The following SYDE2 variants were observed in gnomAD, a reference collection of about 807,000 sequenced individuals.
SYDE2 encodes the protein rho GTPase-activating protein SYDE2.
A neutral mutation model predicts 91.5 loss-of-function variants in SYDE2; 76 were observed. The observed-to-expected ratio is 0.83, with a 90% confidence interval of 0.69 to 1.01. The LOEUF is 1.01. SYDE2 is among the 50% of genes least tolerant of loss of function. The pLI is 0.00. For synonymous variants in SYDE2, 513 were observed against 506.4 expected, an observed-to-expected ratio of 1.01 and a Z score of -0.18; for missense variants, 1,364 against 1,367.7, an observed-to-expected ratio of 1.00 and a Z score of 0.04.
rs376218188 is a variant in SYDE2 at position 85,161,524 on chromosome 1, G to A, written c.3086-2275C>T. Among the ~76,000 whole-genome samples the A allele has an allele frequency of 6.6e-5, 10 of 152,106 alleles. No individual in the cohort carries two copies. The East Asian group carries it at 1.4e-3, about 21-fold the overall frequency. On this transcript the variant is annotated intron_variant, in intron 6 of 6. Coordinates refer to ENST00000341460, the MANE Select transcript of SYDE2 (RefSeq NM_032184.2). ...GCAGATCACTTGAAGTCAGGAGTTCGAGATTGGCCTGGCCAATATGGTGAA... is the reference window on the plus strand; with the variant it reads ...GCAGATCACTTGAAGTCAGGAGTTCAAGATTGGCCTGGCCAATATGGTGAA...
downstream of SYDE2, chr1:85,154,185 C>T (rs1424878703): frequency 6.6e-6 from 1 of 151,384 alleles, no homozygotes; most frequent in African/African-American, 2.4e-5. Flanking sequence ...CTTTATCATA[C>T]CAAAGTACCT....
At chr1:85,174,916 A>T (rs72952634) in intron 4 of SYDE2, among the ~76,000 whole-genome samples, 5,280 of 152,296 alleles carry the variant, frequency 0.035, 325 homozygotes, top group African/African-American at 0.12. Context: ...GTATGTACAA[A>T]AAAGATAAAT....
intron 5 of SYDE2, among the ~76,000 whole-genome samples, chr1:85,166,870 A>C (rs1209917639): frequency 6.6e-6 from 1 of 152,146 alleles, no homozygotes; most frequent in Admixed American, 6.6e-5. Flanking sequence ...ATTTTTTTTG[A>C]CTACTAAATA....
intron 1 of SYDE2, among the ~76,000 whole-genome samples, chr1:85,193,982 C>T (rs4459128): frequency 7.9e-5 from 12 of 152,084 alleles, no homozygotes; most frequent in South Asian, 2.1e-4. Flanking sequence ...ACTCTGATTG[C>T]TATTGCCGAA....
intron 6 of SYDE2, among the ~76,000 whole-genome samples, chr1:85,159,520 T>G (rs1418352589): frequency 1.3e-5 from 2 of 152,208 alleles, no homozygotes; most frequent in Non-Finnish European, 2.9e-5. Context: ...CGATTAATTT[T>G]CTATGCAACT....
At chr1:85,176,176 A>G (rs911938282) in intron 4 of SYDE2, among the ~76,000 whole-genome samples, 1 of 135,842 alleles carries the variant, frequency 7.4e-6, no homozygotes, top group South Asian at 2.1e-4. Context: ...ATTTGTATTT[A>G]TAAAACTTCT....
At chr1:85,167,141 G>A (rs1266521049) in intron 5 of SYDE2, among the ~76,000 whole-genome samples, 1 of 149,912 alleles carries the variant, frequency 6.7e-6, no homozygotes, top group Non-Finnish European at 1.5e-5. Flanking sequence ...GTGAGCCGGG[G>A]AGGTTGAGGC....
rs568470019 is a variant in SYDE2, at chr1:85,178,143, T to C, written c.2671+3A>G. 3 of 1,561,072 alleles carry C rather than the reference T, an allele frequency of 1.9e-6. No homozygotes were observed. The highest frequency in any genetic ancestry group is 2.7e-5 in the African/African-American group (2 of 73,420). On this transcript the variant is annotated splice_donor_region_variant and intron_variant, in intron 4 of 6. Transcript: ENST00000341460. ...AGTACATAAAATAAAATCTATTTAT[T>C]ACCTGTTATTACATTTATATCTGGG...
rs1038484251 is a variant in SYDE2 at position 85,190,730 on chromosome 1, C to T, written c.768G>A (p.Gly256=). The change falls in exon 2 of 7, where the codon GGG becomes GGA. Residue 256 remains glycine (G), a synonymous_variant. Transcript: ENST00000341460. ...CAAGTTCTCTTCCCTTCATTGAAGA[C>T]CCATAGGCATTTTCAAATAAATCTG... ...TLTDLFENAY[G]SSMKGRELEE... is the part of the protein sequence containing the mutation. 8.8e-6 allele frequency: 14 copies of T among 1,598,546 alleles called. No homozygotes were observed. Among genetic ancestry groups the T allele is most frequent in the Non-Finnish European group, 1.1e-5 (13 of 1,173,566 alleles).
At chr1:85,198,810 G>GT (rs936655840) in intron 1 of SYDE2, among the ~76,000 whole-genome samples, 1 of 150,144 alleles carries the variant, frequency 6.7e-6, no homozygotes, top group Non-Finnish European at 1.5e-5. Context: ...TAAGCCAAAG[G>GT]GGGGGAGGTA....
chr1:85,154,857 C>A (rs1379237034), downstream of SYDE2, among the ~76,000 whole-genome samples: 1 of 150,558 alleles, frequency 6.6e-6, no homozygotes, highest in Non-Finnish European at 1.5e-5. Context: ...AACTGCAGGC[C>A]CAATAAAAAT....
intron 3 of SYDE2, among the ~76,000 whole-genome samples, chr1:85,179,597 T>G (rs1363788431): frequency 6.6e-6 from 1 of 152,228 alleles, no homozygotes; most frequent in Admixed American, 6.5e-5. Context: ...TTTCCTACCC[T>G]GATCCACATT....
rs1033370855 is a variant in SYDE2 at position 85,185,466 on chromosome 1, CTCTTTTAT to C, written c.1442-2274_1442-2267del. 4.6e-5 allele frequency among the ~76,000 whole-genome samples: 7 copies of C among 151,238 alleles called. No individual in the cohort carries two copies. In the East Asian group the frequency reaches 1.4e-3, roughly 29 times the overall value. ...GAATGTTCTTCCATTTCTTTGTATCCTCTTTTATTTCATTGAGCAGTGGTTTGTAGTTC... is the reference window on the plus strand; with the variant it reads ...GAATGTTCTTCCATTTCTTTGTATCCTTCATTGAGCAGTGGTTTGTAGTTC... On this transcript the variant is annotated intron_variant, in intron 2 of 6. Coordinates refer to ENST00000341460, the MANE Select transcript of SYDE2 (RefSeq NM_032184.2).
chr1:85,163,694 C>T (rs1015052263), intron 6 of SYDE2, among the ~76,000 whole-genome samples: 6 of 151,590 alleles, frequency 4.0e-5, no homozygotes, highest in African/African-American at 1.5e-4. Flanking sequence ...AACCTGACCC[C>T]GGGGCCAAGC....
At chr1:85,187,610 C>G (rs1658199423) in intron 2 of SYDE2, among the ~76,000 whole-genome samples, 1 of 150,840 alleles carries the variant, frequency 6.6e-6, no homozygotes, top group Admixed American at 6.6e-5. Context: ...AGACTTGGAA[C>G]CAACCCAAAT....
At chr1:85,164,235 C>T (rs1296214659) in intron 6 of SYDE2, among the ~76,000 whole-genome samples, 1 of 152,136 alleles carries the variant, frequency 6.6e-6, no homozygotes, top group African/African-American at 2.4e-5. Context: ...GGCTCTAAGA[C>T]GTTAAGAAAC....
At position 85,200,520 on chromosome 1, in the gene SYDE2, C is replaced by T; in HGVS notation, c.477G>A (p.Arg159=). 6.2e-7 allele frequency: 1 copy of T among 1,613,360 alleles called. No individual in the cohort carries two copies. Among genetic ancestry groups the T allele is most frequent in the Non-Finnish European group, 8.5e-7 (1 of 1,179,858 alleles). Residue 159 remains arginine, a synonymous_variant, in exon 1 of 7, where the codon AGG becomes AGA. Coordinates refer to ENST00000341460, the MANE Select transcript of SYDE2 (RefSeq NM_032184.2). ...DHGCSSGSPF[R]DPAGSSVIRS... ...GTATCACAGAGGACCCCGCTGGATC[C>T]CTGAAAGGGCTTCCCGAGGAGCAGC...
chr1:85,163,442 A>AATATATATATAT (rs1491322072), intron 6 of SYDE2, among the ~76,000 whole-genome samples: 145 of 50,734 alleles, frequency 2.9e-3, no homozygotes, highest in Middle Eastern at 0.016. Context: ...CTTGTACTTT[A>AATATATATATAT]ATCTATATAT....
At position 85,200,864 on chromosome 1, in the gene SYDE2, G is replaced by C; in HGVS notation, c.133C>G (p.Arg45Gly). ...CCGCCGCCTCCCCGCTCCCCGTCCC[G>C]GGGGCAGGCTCGGCGGTACGCGGCG... ...RGAAYRRACP[R>G]DGERGGGGRP... The change falls in exon 1 of 7, where the codon CGG (arginine) becomes GGG (glycine). Residue 45 changes from arginine to glycine, a missense_variant. Coordinates refer to ENST00000341460, the MANE Select transcript of SYDE2 (RefSeq NM_032184.2). The C allele has an allele frequency of 7.3e-7, 1 of 1,366,542 alleles. No individual in the cohort carries two copies. The allele number at this position is 1,366,542 out of a possible 1,614,324, so 84.7% of individuals were successfully genotyped here. A position where few individuals can be genotyped will look rare whatever the true frequency, so the allele number is the denominator to read the frequency against.
Sources: gnomAD v4.1 joint callset for allele counts (sites outside exome capture counted in the v4.1 genomes callset) on GRCh38, gnomAD v4.1.1 for gene constraint, MANE v1.5 for transcripts, NCBI Gene and HGNC (gene_info 2026-07-23, HGNC 2026-07-21) for gene names.